Variants in KAT6B observed in about 807,000 individuals in gnomAD.
The protein encoded by KAT6B is lysine acetyltransferase 6B.
In KAT6B, 10 loss-of-function variants were observed where a neutral mutation model predicts 187.5. That is an observed-to-expected ratio of 0.05 (90% CI 0.03 to 0.09). The LOEUF (loss-of-function observed/expected upper bound fraction) is 0.09. KAT6B is among the 10% of genes least tolerant of loss of function. KAT6B has a pLI of 1.00. For synonymous variants in KAT6B, 861 were observed against 926.8 expected, an observed-to-expected ratio of 0.93 and a Z score of 1.29; for missense variants, 1,952 against 2,558.9, an observed-to-expected ratio of 0.76 and a Z score of 5.12.
intron 3 of KAT6B, among the ~76,000 whole-genome samples, chr10:74,871,184 CCTT>C (rs1843924153): frequency 8.1e-6 from 1 of 123,940 alleles, no homozygotes; most frequent in Non-Finnish European, 1.6e-5. Context: ...CCAAGCCTGG[CCTT>C]TTTTTTTTTT....
At chr10:74,918,410 A>T (rs569799104) in intron 3 of KAT6B, among the ~76,000 whole-genome samples, 1 of 152,306 alleles carries the variant, frequency 6.6e-6, no homozygotes, top group East Asian at 1.9e-4. Flanking sequence ...GCAGATTTTT[A>T]AAAAATGAAT....
Position 75,024,985 on chromosome 10 carries a change from G to A in KAT6B, c.3400G>A (p.Gly1134Ser), listed in dbSNP as rs1272819977. Residue 1134 changes from glycine (G) to serine (S), a missense_variant, in exon 17 of 18, where the codon GGT becomes AGT. Gly to Ser is a moderately conservative substitution (Grantham distance 56, BLOSUM62 0). Coordinates refer to ENST00000287239, the MANE Select transcript of KAT6B (RefSeq NM_012330.4). ...KRPFVLKKKR[G>S]RKRRRINSSV... Reference sequence around the variant, plus strand: ...GCCTTTTGTACTAAAGAAGAAAAGGGGTCGTAAACGCAGGAGGATCAACAG... The same window carrying A: ...GCCTTTTGTACTAAAGAAGAAAAGGAGTCGTAAACGCAGGAGGATCAACAG... The A allele has an allele frequency of 2.5e-6, 4 of 1,614,016 alleles. No homozygotes were observed. Among genetic ancestry groups the A allele is most frequent in the Admixed American group, 1.7e-5 (1 of 60,000 alleles).
intron 3 of KAT6B, among the ~76,000 whole-genome samples, chr10:74,861,901 C>A (rs1215094387): frequency 6.6e-6 from 1 of 152,124 alleles, no homozygotes; most frequent in Non-Finnish European, 1.5e-5. Context: ...TTTACAGTAC[C>A]TGAGTAGTTC....
chr10:74,843,139 G>A lies in KAT6B; in HGVS notation c.282G>A (p.Gly94=), dbSNP rs569038847. 4.4e-5 allele frequency: 71 copies of A among 1,614,218 alleles called. 1 individual carries two copies. The Middle Eastern group carries it at 6.6e-4, about 15-fold the overall frequency. Residue 94 remains glycine (G), a synonymous_variant, in exon 3 of 18, where the codon GGG becomes GGA. Coordinates refer to ENST00000287239, the MANE Select transcript of KAT6B (RefSeq NM_012330.4). ...GCACTTTTCCTAAGTCAGCCAAGGG[G>A]TCTAGAGGATCATGTAATGATCTCC... is the stretch of plus-strand genomic sequence containing the variant. ...KPGTFPKSAK[G]SRGSCNDLRN...
chr10:74,981,732 TCCC>T, intron 10 of KAT6B, 52 bp from the exon 11 acceptor site: 6 of 1,237,432 alleles, frequency 4.8e-6, no homozygotes, highest in Non-Finnish European at 7.1e-6. Flanking sequence ...TATTTAATCT[TCCC>T]CCCAACAGTA....
intron 3 of KAT6B, among the ~76,000 whole-genome samples, chr10:74,897,708 T>C (rs529870778): frequency 4.6e-5 from 7 of 152,376 alleles, no homozygotes; most frequent in African/African-American, 1.7e-4. Flanking sequence ...TACTTTCACC[T>C]TGTGTCATGA....
chr10:74,872,651 TAC>T (rs2132423532), intron 3 of KAT6B, among the ~76,000 whole-genome samples: 1 of 151,880 alleles, frequency 6.6e-6, no homozygotes, highest in East Asian at 1.9e-4. Context: ...TAGCTGGGAC[TAC>T]AGTCTTGTGC....
At chr10:74,859,446 C>T (rs752216414) in intron 3 of KAT6B, among the ~76,000 whole-genome samples, 2 of 152,084 alleles carry the variant, frequency 1.3e-5, no homozygotes, top group Non-Finnish European at 2.9e-5. Flanking sequence ...GAAAAAGAAA[C>T]TCATTTATTT....
At chr10:74,887,832 C>A (rs1845389338) in intron 3 of KAT6B, among the ~76,000 whole-genome samples, 1 of 151,790 alleles carries the variant, frequency 6.6e-6, no homozygotes, top group Admixed American at 6.6e-5. Context: ...CATAGCAAGA[C>A]CCCACCTCAA....
chr10:74,932,644 G>C (rs1280174199), intron 3 of KAT6B, among the ~76,000 whole-genome samples: 1 of 152,190 alleles, frequency 6.6e-6, no homozygotes, highest in Non-Finnish European at 1.5e-5. Context: ...ATGAGGGAAT[G>C]GGGGGCCAAG....
intron 13 of KAT6B, among the ~76,000 whole-genome samples, chr10:74,998,512 C>A (rs1843611402): frequency 6.6e-6 from 1 of 152,082 alleles, no homozygotes; most frequent in Non-Finnish European, 1.5e-5. Flanking sequence ...TTGTCCTTCA[C>A]ACTCATTATT....
chr10:74,830,929 A>G (rs1840807960), intron 1 of KAT6B, among the ~76,000 whole-genome samples: 2 of 150,234 alleles, frequency 1.3e-5, no homozygotes, highest in African/African-American at 4.9e-5. Flanking sequence ...CTGGGATTAC[A>G]GGTGCCCACT....
In KAT6B at chr10:75,032,010, A is replaced by G. The variant is rs1846346916; in HGVS notation, c.*964A>G. 1 of 193,962 alleles carries G rather than the reference A, an allele frequency of 5.2e-6. No individual in the cohort carries two copies. Among genetic ancestry groups the G allele is most frequent in the Admixed American group, 6.1e-5 (1 of 16,392 alleles). 12.0% of individuals were successfully genotyped at this position (193,962 alleles called of 1,614,324 possible). A position where few individuals can be genotyped will look rare whatever the true frequency, so the allele number is the denominator to read the frequency against. On this transcript the variant is annotated 3_prime_UTR_variant, in exon 18 of 18. Coordinates refer to ENST00000287239, the MANE Select transcript of KAT6B (RefSeq NM_012330.4). ...AGTTATTTTTTAAGGAAAAATAGAA[A>G]AGTAGCTTGTGAATAGCTCAAACTA...
At chr10:74,902,908 TTAG>T (rs2132789779) in intron 3 of KAT6B, among the ~76,000 whole-genome samples, 1 of 152,356 alleles carries the variant, frequency 6.6e-6, no homozygotes, top group African/African-American at 2.4e-5. Context: ...TGTCTCATAC[TTAG>T]TAGATGTTCA....
intron 3 of KAT6B, among the ~76,000 whole-genome samples, chr10:74,907,245 A>G (rs1260502870): frequency 6.6e-6 from 1 of 152,236 alleles, no homozygotes; most frequent in Non-Finnish European, 1.5e-5. Context: ...TTGCTTAGAC[A>G]TAATGGGCAA....
At chr10:74,909,934 T>C (rs1169405713) in intron 3 of KAT6B, among the ~76,000 whole-genome samples, 1 of 152,118 alleles carries the variant, frequency 6.6e-6, no homozygotes, top group African/African-American at 2.4e-5. Context: ...CTGCCTCTTC[T>C]TTTCCCTAAC....
chr10:74,826,934 G>A (rs1840292796), intron 1 of KAT6B, 149 bp downstream of exon 1: 1 of 150,596 alleles, frequency 6.6e-6, no homozygotes, highest in Admixed American at 6.6e-5. Context: ...GGCTGCCCCT[G>A]AGCGTGACGG....
At chr10:74,835,178 G>A (rs1185656794) in intron 1 of KAT6B, among the ~76,000 whole-genome samples, 1 of 152,166 alleles carries the variant, frequency 6.6e-6, no homozygotes, top group Non-Finnish European at 1.5e-5. Flanking sequence ...AGATGTTTGG[G>A]GCTTTTGAGA....
Position 75,018,754 on chromosome 10 carries a change from T to G in KAT6B, c.2630-1828T>G, listed in dbSNP as rs1173326112. Among the ~76,000 whole-genome samples, 3 of 152,314 alleles carry G rather than the reference T, an allele frequency of 2.0e-5. No homozygotes were observed. In the East Asian group the frequency reaches 5.8e-4, roughly 29 times the overall value. On this transcript the variant is annotated intron_variant, in intron 13 of 17. Coordinates refer to ENST00000287239, the MANE Select transcript of KAT6B (RefSeq NM_012330.4). The stretch of plus-strand genomic sequence containing the variant: ...AGGAGTGGGGCTTTCTGTCCTTGAC[T>G]GCTGGATTCAAATAAGCACCAGTAG...
Sources: gnomAD v4.1 joint callset for allele counts (sites outside exome capture counted in the v4.1 genomes callset) on GRCh38, gnomAD v4.1.1 for gene constraint, MANE v1.5 for transcripts, NCBI Gene and HGNC (gene_info 2026-07-23, HGNC 2026-07-21) for gene names.